The following ADGRB3 variants were observed in gnomAD, a reference collection of about 807,000 sequenced individuals.
The protein encoded by ADGRB3 is adhesion G protein-coupled receptor B3, also known as brain-specific angiogenesis inhibitor 3.
In ADGRB3, 37 loss-of-function variants were observed where a neutral mutation model predicts 193.4. That is an observed-to-expected ratio of 0.19 (90% CI 0.15 to 0.25). The LOEUF is 0.25. Ranked by LOEUF, ADGRB3 falls within the 10% of genes least tolerant of loss-of-function variation. The pLI is 1.00. For missense variants in ADGRB3, 1,637 were observed against 1,852.9 expected (o/e 0.88, Z 2.14); for synonymous variants, 690 against 644.2 (o/e 1.07, Z -1.08).
chr6:69,064,371 T>G (rs1332154913), intron 16 of ADGRB3, among the ~76,000 whole-genome samples: 1 of 152,006 alleles, frequency 6.6e-6, no homozygotes, highest in Non-Finnish European at 1.5e-5. Flanking sequence ...AAACTATTAG[T>G]TAATATTTAA....
intron 3 of ADGRB3, among the ~76,000 whole-genome samples, chr6:68,737,662 C>T (rs1765897681): frequency 6.6e-6 from 1 of 152,030 alleles, no homozygotes; most frequent in Non-Finnish European, 1.5e-5. Context: ...TAAGACAGTC[C>T]AAACATAAAT....
intron 8 of ADGRB3, among the ~76,000 whole-genome samples, chr6:68,971,374 C>A (rs996150322): frequency 3.3e-5 from 5 of 152,132 alleles, no homozygotes; most frequent in Non-Finnish European, 7.4e-5. Flanking sequence ...CTACTCAATG[C>A]CTGCAGACCA....
At chr6:68,734,979 A>C (rs1397987209) in intron 3 of ADGRB3, among the ~76,000 whole-genome samples, 1 of 152,036 alleles carries the variant, frequency 6.6e-6, no homozygotes, top group Non-Finnish European at 1.5e-5. Context: ...TAGAGATGAC[A>C]CAGGGTCAAA....
intron 17 of ADGRB3, among the ~76,000 whole-genome samples, chr6:69,174,990 A>G (rs1323475486): frequency 6.6e-6 from 1 of 152,146 alleles, no homozygotes; most frequent in Non-Finnish European, 1.5e-5. Flanking sequence ...TAAGATCCTT[A>G]TAGATTCTCG....
intron 17 of ADGRB3, among the ~76,000 whole-genome samples, chr6:69,176,660 T>G (rs1775435250): frequency 6.6e-6 from 1 of 152,032 alleles, no homozygotes; most frequent in Non-Finnish European, 1.5e-5. Context: ...TATGGAGGAG[T>G]CCTTCCTCCT....
intron 3 of ADGRB3, among the ~76,000 whole-genome samples, chr6:68,922,784 C>T (rs1231122448): frequency 2.0e-5 from 3 of 152,172 alleles, no homozygotes; most frequent in African/African-American, 7.2e-5. Context: ...TGAGCCTTAA[C>T]CTTCATCCCA....
intron 17 of ADGRB3, among the ~76,000 whole-genome samples, chr6:69,188,995 A>G (rs1388659186): frequency 6.6e-6 from 1 of 152,220 alleles, no homozygotes. Context: ...ACAGTGTAAG[A>G]AAGATTTTTA....
At chr6:69,324,417 T>A in intron 20 of ADGRB3, among the ~76,000 whole-genome samples, 1 of 152,194 alleles carries the variant, frequency 6.6e-6, no homozygotes, top group East Asian at 1.9e-4. Context: ...GAAAGGCTGT[T>A]ACTCTTACAG....
At chr6:68,788,683 A>T (rs1767029258) in intron 3 of ADGRB3, among the ~76,000 whole-genome samples, 2 of 152,134 alleles carry the variant, frequency 1.3e-5, no homozygotes, top group African/African-American at 4.8e-5. Context: ...CTTGGCGCAG[A>T]GCTGAGTTCA....
intron 3 of ADGRB3, among the ~76,000 whole-genome samples, chr6:68,846,575 C>T (rs1768279971): frequency 6.6e-6 from 1 of 152,214 alleles, no homozygotes; most frequent in Non-Finnish European, 1.5e-5. Flanking sequence ...GGTCAATGTA[C>T]AGTTCAGGCT....
At chr6:69,291,453 G>A (rs887284953) in intron 20 of ADGRB3, among the ~76,000 whole-genome samples, 2 of 152,044 alleles carry the variant, frequency 1.3e-5, no homozygotes, top group African/African-American at 4.8e-5. Context: ...AGCAGAACTA[G>A]GATTCAAAGG....
rs549821438 is a variant in ADGRB3 at position 69,216,577 on chromosome 6, C to G, written c.2481-16713C>G. On this transcript the variant is annotated intron_variant, in intron 17 of 31. Coordinates refer to ENST00000370598, the MANE Select transcript of ADGRB3 (RefSeq NM_001704.3). Reference sequence around the variant, plus strand: ...GAACCACAGAATCCACTGTGAGTGACCTGAGGAGGGAGAGAACACTGGGCT... The same window carrying G: ...GAACCACAGAATCCACTGTGAGTGAGCTGAGGAGGGAGAGAACACTGGGCT... Among the ~76,000 whole-genome samples, 11 of 152,224 alleles carry G rather than the reference C, an allele frequency of 7.2e-5. No homozygotes were observed. The South Asian group carries it at 2.1e-3, about 29-fold the overall frequency.
chr6:68,936,568 T>C lies in ADGRB3; in HGVS notation c.918T>C (p.Thr306=), dbSNP rs1465419694. ...EWSQWSTCSV[T]CGQGSQVRTR... is the part of the protein sequence containing the mutation. Reference sequence around the variant, plus strand: ...CCCAGTGGAGCACATGTTCGGTTACTTGTGGTCAAGGGTCGCAGGTGCGAA... The same window carrying C: ...CCCAGTGGAGCACATGTTCGGTTACCTGTGGTCAAGGGTCGCAGGTGCGAA... The change falls in exon 5 of 32, where the codon ACT becomes ACC. Residue 306 remains threonine (T), a synonymous_variant. Coordinates refer to ENST00000370598, the MANE Select transcript of ADGRB3 (RefSeq NM_001704.3). 9 of 1,613,834 alleles carry C rather than the reference T, an allele frequency of 5.6e-6. No homozygotes were observed. The highest frequency in any genetic ancestry group is 7.6e-6 in the Non-Finnish European group (9 of 1,179,894).
At chr6:69,279,195 T>A (rs1767373235) in intron 20 of ADGRB3, among the ~76,000 whole-genome samples, 1 of 146,758 alleles carries the variant, frequency 6.8e-6, no homozygotes. Flanking sequence ...CAAAAATGCA[T>A]TTAATACACT....
rs1432575958 is a variant in ADGRB3, at chr6:69,040,351, T to TTCTTTCTTTCTTTCTTTC, written c.2108-7832_2108-7815dup. Among the ~76,000 whole-genome samples the TTCTTTCTTTCTTTCTTTC allele has an allele frequency of 1.8e-3, 98 of 54,600 alleles. 1 individual carries two copies. Among genetic ancestry groups the TTCTTTCTTTCTTTCTTTC allele is most frequent in the Middle Eastern group, 7.1e-3 (1 of 140 alleles). 35.8% of individuals were successfully genotyped at this position (54,600 alleles called of 152,430 possible). A position where few individuals can be genotyped will look rare whatever the true frequency, so the allele number is the denominator to read the frequency against. On this transcript the variant is annotated intron_variant, in intron 13 of 31. Transcript: ENST00000370598. ...TTTCTTTCTTTCTTTCTTTCTTTCTTTCTTTCTTTCTTTCTTTCTTTCTTT... is the reference window on the plus strand; with the variant it reads ...TTTCTTTCTTTCTTTCTTTCTTTCTTTCTTTCTTTCTTTCTTTCTCTTTCTTTCTTTCTTTCTTTCTTT...
At chr6:69,256,293 C>T (rs1347813628) in intron 20 of ADGRB3, among the ~76,000 whole-genome samples, 1 of 152,076 alleles carries the variant, frequency 6.6e-6, no homozygotes, top group East Asian at 1.9e-4. Context: ...TTACCTTGGG[C>T]CGTATGGCCA....
intron 3 of ADGRB3, among the ~76,000 whole-genome samples, chr6:68,848,323 T>C (rs900250931): frequency 1.3e-5 from 2 of 152,062 alleles, no homozygotes; most frequent in East Asian, 3.9e-4. Context: ...TCCCTATTAA[T>C]AGCAACAATA....
At chr6:68,785,127 A>T (rs990628987) in intron 3 of ADGRB3, among the ~76,000 whole-genome samples, 1 of 152,020 alleles carries the variant, frequency 6.6e-6, no homozygotes, top group Admixed American at 6.6e-5. Flanking sequence ...ATCAGAATTG[A>T]TGTATGACTG....
At chr6:68,710,709 T>G (rs561857385) in intron 3 of ADGRB3, among the ~76,000 whole-genome samples, 187 of 152,252 alleles carry the variant, frequency 1.2e-3, no homozygotes, top group African/African-American at 4.4e-3. Flanking sequence ...AAACTACTGA[T>G]GATTAGCAGG....
Sources: gnomAD v4.1 joint callset for allele counts (sites outside exome capture counted in the v4.1 genomes callset) on GRCh38, gnomAD v4.1.1 for gene constraint, MANE v1.5 for transcripts, NCBI Gene and HGNC (gene_info 2026-07-23, HGNC 2026-07-21) for gene names.